The following FAM174B variants were observed in gnomAD, a reference collection of about 807,000 sequenced individuals.
The protein encoded by FAM174B is membrane protein FAM174B.
FAM174B carries 12 observed loss-of-function variants against 10.9 expected under a neutral mutation model. That is an observed-to-expected ratio of 1.10 (90% CI 0.71 to 1.79). The LOEUF is 1.79. Among genes scored for constraint, FAM174B ranks in the 40% most tolerant of loss-of-function variants. FAM174B has a pLI of 0.00. For synonymous variants in FAM174B, 132 were observed against 115.8 expected, an observed-to-expected ratio of 1.14 and a Z score of -0.90; for missense variants, 266 against 233.3, an observed-to-expected ratio of 1.14 and a Z score of -0.91.
rs1233649376 is a variant in FAM174B, at chr15:92,655,585, G to A, written c.75C>T (p.Arg25=). Reference sequence around the variant, plus strand: ...CGGAGACGGACTCGGCTCTGCTGGCGCGGGCGGCGGGAGCGGCCAGGAGCG... The same window carrying A: ...CGGAGACGGACTCGGCTCTGCTGGCACGGGCGGCGGGAGCGGCCAGGAGCG... ...LLALLAAPAA[R]ASRAESVSAP... is the part of the protein sequence containing the mutation. The change falls in exon 1 of 3, where the codon CGC becomes CGT. Residue 25 remains arginine, a synonymous_variant. Transcript: ENST00000327355. 1.5e-6 allele frequency: 2 copies of A among 1,310,490 alleles called. No homozygotes were observed. Among genetic ancestry groups the A allele is most frequent in the South Asian group, 2.5e-5 (1 of 40,596 alleles). The allele number at this position is 1,310,490 out of a possible 1,614,324, so 81.2% of individuals were successfully genotyped here.
At chr15:92,625,631 G>A (rs553744560) in intron 2 of FAM174B, among the ~76,000 whole-genome samples, 7 of 152,150 alleles carry the variant, frequency 4.6e-5, no homozygotes, top group Non-Finnish European at 7.3e-5. Flanking sequence ...GTAGAAAAAC[G>A]TGCCAAAACA....
intron 2 of FAM174B, among the ~76,000 whole-genome samples, chr15:92,624,919 G>C (rs2050743553): frequency 6.6e-6 from 1 of 152,206 alleles, no homozygotes; most frequent in African/African-American, 2.4e-5. Context: ...GACGCCTAGA[G>C]GGTGTAACAA....
intron 1 of FAM174B, among the ~76,000 whole-genome samples, chr15:92,648,665 G>A (rs1459411524): frequency 6.6e-6 from 1 of 151,864 alleles, no homozygotes; most frequent in Admixed American, 6.5e-5. Context: ...GTAGGCGGAA[G>A]GAGCTCTGAA....
At chr15:92,638,413 A>G (rs2050869415) in intron 1 of FAM174B, among the ~76,000 whole-genome samples, 1 of 152,194 alleles carries the variant, frequency 6.6e-6, no homozygotes, top group Non-Finnish European at 1.5e-5. Flanking sequence ...CATACGTCCC[A>G]CTTATACAAA....
chr15:92,655,300 G>C lies in FAM174B; in HGVS notation c.344+16C>G. ...CTGTCGGCCGGCGGGGGAAGGAAGA[G>C]GGCGGGAGGGCCCACCTGAAGACGC... On this transcript the variant is annotated intron_variant, in intron 1 of 2. Transcript: ENST00000327355. The C allele has an allele frequency of 6.5e-7, 1 of 1,540,948 alleles. No homozygotes were observed.
rs61745277 is a variant in FAM174B, at chr15:92,617,939, T to C, written c.*1517A>G. On this transcript the variant is annotated 3_prime_UTR_variant, in exon 3 of 3. Transcript: ENST00000327355. ...CCCTCACCCAGGGCTTCCCACGGGC[T>C]CTGCTCTTTCCTGCAGAGGCGAAAC... 1.6e-4 allele frequency: 64 copies of C among 391,156 alleles called. No individual in the cohort carries two copies. The highest frequency in any genetic ancestry group is 1.3e-3 in the African/African-American group (61 of 48,448). The allele number at this position is 391,156 out of a possible 1,614,324, so 24.2% of individuals were successfully genotyped here.
At chr15:92,647,857 C>T (rs2050938898) in intron 1 of FAM174B, among the ~76,000 whole-genome samples, 1 of 152,096 alleles carries the variant, frequency 6.6e-6, no homozygotes, top group African/African-American at 2.4e-5. Flanking sequence ...AAAAGTCTGG[C>T]ACCTTTTAAG....
intron 1 of FAM174B, among the ~76,000 whole-genome samples, chr15:92,642,074 T>A (rs1472266282): frequency 1.3e-5 from 2 of 152,172 alleles, no homozygotes; most frequent in Non-Finnish European, 2.9e-5. Flanking sequence ...AAGGTCAACA[T>A]GACTAGCCAT....
chr15:92,619,466 G>T lies in FAM174B; in HGVS notation c.477-7C>A. 6.2e-7 allele frequency: 1 copy of T among 1,613,656 alleles called. No homozygotes were observed. The highest frequency in any genetic ancestry group is 8.5e-7 in the Non-Finnish European group (1 of 1,179,732). On this transcript the variant is annotated splice_region_variant and splice_polypyrimidine_tract_variant and intron_variant, in intron 2 of 2. Coordinates refer to ENST00000327355, the MANE Select transcript of FAM174B (RefSeq NM_207446.3). The stretch of plus-strand genomic sequence containing the variant: ...GCTGGGAAACAGGTTTTACCTAAAA[G>T]AAAGGGAAGGACAAGAGTAAGCCCC...
chr15:92,629,169 T>C (rs778276028), intron 2 of FAM174B, among the ~76,000 whole-genome samples: 1 of 152,200 alleles, frequency 6.6e-6, no homozygotes, highest in Non-Finnish European at 1.5e-5. Context: ...GGAGCCAAGA[T>C]AGGGACCAGC....
At position 92,655,699 on chromosome 15, in the gene FAM174B, G is replaced by T. The variant is rs557715272; in HGVS notation, c.-40C>A. 4.1e-6 allele frequency: 5 copies of T among 1,232,790 alleles called. No individual in the cohort carries two copies. The African/African-American group carries it at 6.2e-5, about 15-fold the overall frequency. The allele number at this position is 1,232,790 out of a possible 1,614,324, so 76.4% of individuals were successfully genotyped here. A position where few individuals can be genotyped will look rare whatever the true frequency, so the allele number is the denominator to read the frequency against. On this transcript the variant is annotated 5_prime_UTR_variant, in exon 1 of 3. Coordinates refer to ENST00000327355, the MANE Select transcript of FAM174B (RefSeq NM_207446.3). The stretch of plus-strand genomic sequence containing the variant: ...GCACAGGATCGGGCAGGGCGCGCGC[G>T]GCTGAGCTCCAGGATCCGCACCAGC...
rs1368842088 is a variant in FAM174B, at chr15:92,620,999, T to G, written c.477-1540A>C. ...TAATAGAATTTACAAAATAATGAAC[T>G]TCCTGTCATAATATTACATAATACC... On this transcript the variant is annotated intron_variant, in intron 2 of 2. Coordinates refer to ENST00000327355, the MANE Select transcript of FAM174B (RefSeq NM_207446.3). Among the ~76,000 whole-genome samples the G allele has an allele frequency of 4.6e-5, 7 of 152,256 alleles. No individual in the cohort carries two copies. In the South Asian group the frequency reaches 8.3e-4, roughly 18 times the overall value.
rs1349352405 is a variant in FAM174B, at chr15:92,655,616, A to G, written c.44T>C (p.Leu15Pro). 6.3e-6 allele frequency: 8 copies of G among 1,268,712 alleles called. No homozygotes were observed. The South Asian group carries it at 2.5e-4, about 40-fold the overall frequency. 78.6% of individuals were successfully genotyped at this position (1,268,712 alleles called of 1,614,324 possible). A position where few individuals can be genotyped will look rare whatever the true frequency, so the allele number is the denominator to read the frequency against. Residue 15 changes from leucine to proline, a missense_variant, in exon 1 of 3, where the codon CTG (leucine) becomes CCG (proline). Physicochemically the swap from Leu to Pro is moderately conservative, Grantham distance 98. Transcript: ENST00000327355. The part of the protein sequence containing the change: ...PLPAPLLPLL[L>P]LALLAAPAAR... ...GGCGGGAGCGGCCAGGAGCGCGAGC[A>G]GCAGCAGCGGCAGGAGCGGGGCGGG...
At chr15:92,624,033 G>A (rs1596294077) in intron 2 of FAM174B, among the ~76,000 whole-genome samples, 1 of 151,998 alleles carries the variant, frequency 6.6e-6, no homozygotes, top group Admixed American at 6.6e-5. Context: ...CATAGACATA[G>A]ACACAAGAAT....
Position 92,630,231 on chromosome 15 carries a change from T to C in FAM174B, c.459A>G (p.Val153=), listed in dbSNP as rs781272553. The stretch of plus-strand genomic sequence containing the variant: ...CCCTGTACCTGTATTTGATGTCGAA[T>C]ACTGTGGAGTCCTCATCTTCATCAT... The part of the protein sequence containing the change: ...EEDDEDEDST[V]FDIKYR The change falls in exon 2 of 3, where the codon GTA becomes GTG. Residue 153 remains valine, a synonymous_variant. Coordinates refer to ENST00000327355, the MANE Select transcript of FAM174B (RefSeq NM_207446.3). 6.2e-7 allele frequency: 1 copy of C among 1,613,756 alleles called. No homozygotes were observed. The highest frequency in any genetic ancestry group is 8.5e-7 in the Non-Finnish European group (1 of 1,179,774).
Position 92,655,225 on chromosome 15 carries a change from T to C in FAM174B, c.344+91A>G. On this transcript the variant is annotated intron_variant, in intron 1 of 2. Transcript: ENST00000327355. ...TGGCTGGGGCGCACCAGGGCACCTG[T>C]GCGTGCAGGTGGGGCGGGCGCGCGG... 6 of 1,435,420 alleles carry C rather than the reference T, an allele frequency of 4.2e-6. No individual in the cohort carries two copies. The South Asian group carries it at 9.0e-5, about 22-fold the overall frequency. 88.9% of individuals were successfully genotyped at this position (1,435,420 alleles called of 1,614,324 possible).
intron 2 of FAM174B, among the ~76,000 whole-genome samples, chr15:92,622,962 C>A (rs1337638625): frequency 6.6e-6 from 1 of 152,088 alleles, no homozygotes; most frequent in Non-Finnish European, 1.5e-5. Flanking sequence ...TCGAGACCAG[C>A]CTGGCCAATA....
In FAM174B at chr15:92,630,342, C is replaced by T. The variant is rs369026516; in HGVS notation, c.348G>A (p.Ser116=). 1.9e-5 allele frequency: 31 copies of T among 1,609,990 alleles called. No homozygotes were observed. The East Asian group carries it at 2.0e-4, about 10-fold the overall frequency. ...TGCGTGTCTTCTTTAACCTCTTTCC[C>T]GACCTGCAGGAGAAGAAGCACATTC... The part of the protein sequence containing the change: ...IACLLLRVFR[S]GKRLKKTRKY... Residue 116 remains serine (S), a synonymous_variant, in exon 2 of 3, where the codon TCG becomes TCA. Coordinates refer to ENST00000327355, the MANE Select transcript of FAM174B (RefSeq NM_207446.3).
At chr15:92,628,739 C>T (rs749097510) in intron 2 of FAM174B, among the ~76,000 whole-genome samples, 1 of 151,970 alleles carries the variant, frequency 6.6e-6, no homozygotes, top group Non-Finnish European at 1.5e-5. Flanking sequence ...AACTGAGCTT[C>T]CAAAACCAAT....
Sources: allele counts gnomAD v4.1 joint callset (sites outside exome capture counted in the v4.1 genomes callset), GRCh38; gene constraint gnomAD v4.1.1; transcripts MANE v1.5; gene names NCBI Gene and HGNC (gene_info 2026-07-23, HGNC 2026-07-21).